BLOC1S2: variants seen among roughly 807,000 people sequenced by gnomAD.
BLOC1S2 encodes the protein biogenesis of lysosomal organelles complex 1 subunit 2, also known as biogenesis of lysosome-related organelles complex 1 subunit 2.
In BLOC1S2, 12 loss-of-function variants were observed where a neutral mutation model predicts 19.6. The observed-to-expected ratio is 0.61, with a 90% CI of 0.39 to 0.99. The LOEUF (loss-of-function observed/expected upper bound fraction) is 0.99. Ranked by LOEUF, BLOC1S2 falls within the 50% of genes least tolerant of loss-of-function variation. BLOC1S2 has a pLI of 0.00. For missense variants in BLOC1S2, 142 were observed against 171.0 expected (o/e 0.83, Z 0.95); for synonymous variants, 66 against 64.1 (o/e 1.03, Z -0.14).
At chr10:100,279,043 C>T (rs185638952) in intron 4 of BLOC1S2, among the ~76,000 whole-genome samples, 1 of 151,820 alleles carries the variant, frequency 6.6e-6, no homozygotes, top group African/African-American at 2.4e-5. Flanking sequence ...GCTATGATCA[C>T]GTCATTGCAC....
chr10:100,286,648 T>TGCC lies in BLOC1S2; in HGVS notation c.9_11dup (p.Ala5dup), dbSNP rs2134369787. 6.2e-7 allele frequency: 1 copy of TGCC among 1,609,810 alleles called. No homozygotes were observed. The highest frequency in any genetic ancestry group is 8.5e-7 in the Non-Finnish European group (1 of 1,178,352). On this transcript the variant is annotated inframe_insertion, in exon 1 of 5. Coordinates refer to ENST00000370372, the MANE Select transcript of BLOC1S2 (RefSeq NM_173809.5). Reference sequence around the variant, plus strand: ...TCCGGGTCGCCAGTACGCCCTCGGCTGCCGCCGCCATAGCGGACCCCGCGC... The same window carrying TGCC: ...TCCGGGTCGCCAGTACGCCCTCGGCTGCCGCCGCCGCCATAGCGGACCCCGCGC...
chr10:100,277,495 G>A (rs1247718391), intron 4 of BLOC1S2, among the ~76,000 whole-genome samples: 13 of 121,700 alleles, frequency 1.1e-4, no homozygotes, highest in Admixed American at 2.3e-4. Context: ...CGTCCCGTCC[G>A]GGAGGGAGGT....
intron 2 of BLOC1S2, chr10:100,282,791 T>C: frequency 2.5e-6 from 1 of 397,262 alleles, no homozygotes; most frequent in Non-Finnish European, 4.4e-6. Context: ...AACAATTTGC[T>C]TAAAATTAAT....
At position 100,286,645 on chromosome 10, in the gene BLOC1S2, G is replaced by C. The variant is rs12250221; in HGVS notation, c.15C>G (p.Ala5=). ...CACTCCGGGTCGCCAGTACGCCCTC[G>C]GCTGCCGCCGCCATAGCGGACCCCG... is the stretch of plus-strand genomic sequence containing the variant. The part of the protein sequence containing the change: MAAA[A]EGVLATRSDE... Residue 5 remains alanine (A), a synonymous_variant, in exon 1 of 5, where the codon GCC becomes GCG. Transcript: ENST00000370372. The C allele has an allele frequency of 9.2e-3, 14,814 of 1,609,728 alleles. 1,143 individuals carry two copies. The African/African-American group carries it at 0.17, about 19-fold the overall frequency.
intron 3 of BLOC1S2, among the ~76,000 whole-genome samples, 199 bp downstream of exon 3, chr10:100,280,735 G>T (rs775292180): frequency 2.9e-4 from 44 of 152,136 alleles, no homozygotes; most frequent in Non-Finnish European, 4.6e-4. Context: ...ATAAAATCAA[G>T]ATTTAGAAGC....
intron 4 of BLOC1S2, among the ~76,000 whole-genome samples, chr10:100,277,132 G>A (rs1323514504): frequency 6.6e-6 from 1 of 151,910 alleles, no homozygotes; most frequent in Non-Finnish European, 1.5e-5. Context: ...CGTCTGAGAT[G>A]TGGGGAGCGC....
At position 100,273,960 on chromosome 10, in the gene BLOC1S2, A is replaced by G. The variant is rs544268361; in HGVS notation, c.*1502T>C. The stretch of plus-strand genomic sequence containing the variant: ...TAATTCTTTTGTTTTTTATTTAAGA[A>G]AAATGTTTAAATAGGGGCCTTATGT... On this transcript the variant is annotated 3_prime_UTR_variant, in exon 5 of 5. Transcript: ENST00000370372. 11 of 152,296 alleles carry G rather than the reference A, an allele frequency of 7.2e-5. No homozygotes were observed. Among genetic ancestry groups the G allele is most frequent in the African/African-American group, 2.4e-4 (10 of 41,562 alleles). The allele number at this position is 152,296 out of a possible 1,614,324, so 9.4% of individuals were successfully genotyped here.
At chr10:100,278,694 C>G (rs1219937195) in intron 4 of BLOC1S2, among the ~76,000 whole-genome samples, 2 of 152,174 alleles carry the variant, frequency 1.3e-5, no homozygotes, top group Non-Finnish European at 2.9e-5. Context: ...CACAAACACT[C>G]TGCCTAGGAA....
chr10:100,277,277 G>A (rs1484787432), intron 4 of BLOC1S2, among the ~76,000 whole-genome samples: 7 of 148,558 alleles, frequency 4.7e-5, no homozygotes, highest in Admixed American at 2.0e-4. Flanking sequence ...CTGCCACCCC[G>A]TCTGGGAAGT....
At chr10:100,281,693 A>ATATAT (rs1554910961) in intron 2 of BLOC1S2, among the ~76,000 whole-genome samples, 3,524 of 138,838 alleles carry the variant, frequency 0.025, 88 homozygotes, top group Middle Eastern at 0.06. Flanking sequence ...AAAAAAAAAA[A>ATATAT]ATATATATAT....
At chr10:100,285,899 T>C (rs2290292) in intron 2 of BLOC1S2, among the ~76,000 whole-genome samples, 198 bp downstream of exon 2, 10,736 of 152,242 alleles carry the variant, frequency 0.071, 661 homozygotes, top group African/African-American at 0.16. Context: ...TTTTTTGTTA[T>C]TGTTTTCTCA....
chr10:100,276,507 C>G (rs1486729104), intron 4 of BLOC1S2, among the ~76,000 whole-genome samples: 1 of 122,998 alleles, frequency 8.1e-6, no homozygotes, highest in Non-Finnish European at 1.8e-5. Context: ...CTCCCTCTCC[C>G]GTCTCCCTCT....
rs556011243 is a variant in BLOC1S2 at position 100,277,317 on chromosome 10, G to A, written c.398-1824C>T. Among the ~76,000 whole-genome samples the A allele has an allele frequency of 9.2e-5, 14 of 151,424 alleles. No homozygotes were observed. The South Asian group carries it at 1.0e-3, about 11-fold the overall frequency. ...AGCGTCTCCGCCCGGCAGCCACCCC[G>A]GCCGGGAGGGAGGTGGGGGTCAGCC... On this transcript the variant is annotated intron_variant, in intron 4 of 4. Transcript: ENST00000370372.
rs1181006874 is a variant in BLOC1S2, at chr10:100,278,444, A to G, written c.397+1680T>C. Among the ~76,000 whole-genome samples the G allele has an allele frequency of 3.3e-5, 5 of 152,196 alleles. No individual in the cohort carries two copies. The East Asian group carries it at 5.8e-4, about 18-fold the overall frequency. ...AATCGGATGGTTGCCGTGTCTGTGTAGAAAGAAGTAGACATGGGAGACTTT... is the reference window on the plus strand; with the variant it reads ...AATCGGATGGTTGCCGTGTCTGTGTGGAAAGAAGTAGACATGGGAGACTTT... On this transcript the variant is annotated intron_variant, in intron 4 of 4. Coordinates refer to ENST00000370372, the MANE Select transcript of BLOC1S2 (RefSeq NM_173809.5).
chr10:100,286,628 G>T lies in BLOC1S2; in HGVS notation c.32C>A (p.Thr11Asn), dbSNP rs373849219. The T allele has an allele frequency of 1.2e-6, 2 of 1,612,200 alleles. No homozygotes were observed. Among genetic ancestry groups the T allele is most frequent in the African/African-American group, 2.7e-5 (2 of 74,888 alleles). MAAAAEGVLA[T>N]RSDEPARDDA... ...ACCTCGGGCGGGCTCATCACTCCGGGTCGCCAGTACGCCCTCGGCTGCCGC... is the reference window on the plus strand; with the variant it reads ...ACCTCGGGCGGGCTCATCACTCCGGTTCGCCAGTACGCCCTCGGCTGCCGC... Residue 11 changes from threonine to asparagine, a missense_variant, in exon 1 of 5, where the codon ACC (threonine) becomes AAC (asparagine). Thr to Asn is a moderately conservative substitution (Grantham distance 65). Transcript: ENST00000370372.
rs1222045392 is a variant in BLOC1S2, at chr10:100,286,673, C to T, written c.-14G>A. The T allele has an allele frequency of 6.2e-7, 1 of 1,608,410 alleles. No individual in the cohort carries two copies. The highest frequency in any genetic ancestry group is 1.7e-5 in the Admixed American group (1 of 59,666). ...TGCCGCCGCCATAGCGGACCCCGCGCTGTTTCCGGGCCGGGGTGCTGCGCA... is the reference window on the plus strand; with the variant it reads ...TGCCGCCGCCATAGCGGACCCCGCGTTGTTTCCGGGCCGGGGTGCTGCGCA... On this transcript the variant is annotated 5_prime_UTR_variant, in exon 1 of 5. Transcript: ENST00000370372.
At chr10:100,280,852 A>G (rs1848084545) in intron 3 of BLOC1S2, 82 bp downstream of exon 3, 19 of 1,433,848 alleles carry the variant, frequency 1.3e-5, no homozygotes, top group Non-Finnish European at 1.6e-5. Context: ...CAAGGATGTC[A>G]TGTTCCCTCC....
intron 4 of BLOC1S2, among the ~76,000 whole-genome samples, chr10:100,278,642 G>T (rs546870006): frequency 6.6e-6 from 1 of 152,242 alleles, no homozygotes; most frequent in Non-Finnish European, 1.5e-5. Context: ...CAGCATGCTC[G>T]TTAAGAGTCA....
At chr10:100,277,415 G>A (rs1847924863) in intron 4 of BLOC1S2, among the ~76,000 whole-genome samples, 1 of 149,792 alleles carries the variant, frequency 6.7e-6, no homozygotes, top group Admixed American at 6.6e-5. Context: ...GGGAAGTGAG[G>A]AGCCCCTCTG....
Sources: allele counts gnomAD v4.1 joint callset (sites outside exome capture counted in the v4.1 genomes callset), GRCh38; gene constraint gnomAD v4.1.1; transcripts MANE v1.5; gene names NCBI Gene and HGNC (gene_info 2026-07-23, HGNC 2026-07-21).